The following SLC33A1 variants were observed in gnomAD, a reference collection of about 807,000 sequenced individuals.
The protein encoded by SLC33A1 is solute carrier family 33 member 1, also known as acetyl-coenzyme A transporter 1.
In SLC33A1, 20 loss-of-function variants were observed where a neutral mutation model predicts 50.0. The ratio of observed to expected loss-of-function variants is 0.40; its 90% CI spans 0.28 to 0.58. The LOEUF is 0.58. Among genes scored for constraint, SLC33A1 ranks in the 20% least tolerant of loss-of-function variants. SLC33A1 has a pLI of 0.44. For synonymous variants in SLC33A1, 265 were observed against 251.8 expected, an observed-to-expected ratio of 1.05 and a Z score of -0.50; for missense variants, 476 against 657.0, an observed-to-expected ratio of 0.72 and a Z score of 3.01.
chr3:155,828,467 A>G, intron 5 of SLC33A1, 90 bp from the exon 6 acceptor site: 1 of 776,560 alleles, frequency 1.3e-6, no homozygotes, highest in Non-Finnish European at 2.2e-6. Flanking sequence ...AAGAATAAAA[A>G]TATATTTTTC....
At chr3:155,850,973 G>A (rs1273117345) in intron 1 of SLC33A1, among the ~76,000 whole-genome samples, 1 of 151,606 alleles carries the variant, frequency 6.6e-6, no homozygotes, top group Admixed American at 6.6e-5. Flanking sequence ...GCTGGGCGCA[G>A]TGGCTTACGC....
intron 1 of SLC33A1, among the ~76,000 whole-genome samples, chr3:155,849,000 C>T (rs1239984257): frequency 1.3e-5 from 2 of 151,492 alleles, no homozygotes; most frequent in African/African-American, 4.8e-5. Flanking sequence ...GCAGCCTCCA[C>T]CTCCCCAGTT....
intron 2 of SLC33A1, 42 bp downstream of exon 2, chr3:155,842,390 T>C (rs1396527304): frequency 1.6e-6 from 2 of 1,287,730 alleles, no homozygotes; most frequent in East Asian, 2.4e-5. Context: ...ATGATATTGA[T>C]ACTTATAAGA....
chr3:155,837,853 T>A (rs1464950191), intron 2 of SLC33A1, among the ~76,000 whole-genome samples: 2 of 152,128 alleles, frequency 1.3e-5, no homozygotes, highest in Admixed American at 6.5e-5. Context: ...GATATGTTAT[T>A]AGGGGGGAAG....
At chr3:155,832,996 A>T (rs1752505703) in intron 4 of SLC33A1, among the ~76,000 whole-genome samples, 1 of 152,092 alleles carries the variant, frequency 6.6e-6, no homozygotes. Context: ...TTGCACCTGC[A>T]TTCCCAGCAT....
At chr3:155,851,765 A>G (rs1753411260) in intron 1 of SLC33A1, among the ~76,000 whole-genome samples, 1 of 152,164 alleles carries the variant, frequency 6.6e-6, no homozygotes, top group Admixed American at 6.5e-5. Context: ...GAACACTGAG[A>G]CAAATCTACC....
intron 1 of SLC33A1, among the ~76,000 whole-genome samples, chr3:155,844,458 T>TATATATATATATATATATA (rs1491426081): frequency 9.8e-5 from 3 of 30,632 alleles, no homozygotes; most frequent in African/African-American, 2.9e-4. Flanking sequence ...TATATATATA[T>TATATATATATATATATATA]TTTTTTTTTT....
At chr3:155,851,864 G>C (rs1753413804) in intron 1 of SLC33A1, among the ~76,000 whole-genome samples, 1 of 152,166 alleles carries the variant, frequency 6.6e-6, no homozygotes, top group East Asian at 1.9e-4. Context: ...TCACTCATTA[G>C]CAGTTTGAGG....
intron 1 of SLC33A1, among the ~76,000 whole-genome samples, chr3:155,851,876 G>T (rs1753414342): frequency 6.6e-6 from 1 of 152,154 alleles, no homozygotes; most frequent in Non-Finnish European, 1.5e-5. Flanking sequence ...AGTTTGAGGA[G>T]GTGTACATAA....
At chr3:155,843,805 C>T (rs563041965) in intron 1 of SLC33A1, among the ~76,000 whole-genome samples, 8 of 152,250 alleles carry the variant, frequency 5.3e-5, no homozygotes, top group Admixed American at 1.3e-4. Context: ...CTTATAAGTA[C>T]AACTAATTTC....
chr3:155,853,878 C>A lies in SLC33A1; in HGVS notation c.120G>T (p.Leu40Phe). Residue 40 changes from leucine (L) to phenylalanine (F), a missense_variant, in exon 1 of 6, where the codon TTG becomes TTT. Transcript: ENST00000643144. ...TGTCCCCTTCCCGGCCCGCTGAGTC[C>A]AAATGACTGTCATCCCAACCGCCTG... Reference protein sequence around the residue: ...LPPGGWDDSHLDSAGREGDRE... With the variant: ...LPPGGWDDSHFDSAGREGDRE... The A allele has an allele frequency of 6.4e-7, 1 of 1,566,042 alleles. No individual in the cohort carries two copies. Among genetic ancestry groups the A allele is most frequent in the South Asian group, 1.2e-5 (1 of 83,386 alleles).
chr3:155,830,106 G>A (rs1752355034), intron 4 of SLC33A1, among the ~76,000 whole-genome samples: 1 of 151,880 alleles, frequency 6.6e-6, no homozygotes, highest in Non-Finnish European at 1.5e-5. Context: ...GCTCATGCCT[G>A]TAATTCCAGC....
At chr3:155,844,947 A>C (rs937134733) in intron 1 of SLC33A1, 2 of 152,134 alleles carry the variant, frequency 1.3e-5, no homozygotes, top group Non-Finnish European at 2.9e-5. Context: ...CATGTCCACT[A>C]TTTTTGCATT....
rs1386553080 is a variant in SLC33A1, at chr3:155,825,606, T to C, written c.*2604A>G. 1 of 152,218 alleles carries C rather than the reference T, an allele frequency of 6.6e-6. No individual in the cohort carries two copies. Among genetic ancestry groups the C allele is most frequent in the East Asian group, 1.9e-4 (1 of 5,196 alleles). 9.4% of individuals were successfully genotyped at this position (152,218 alleles called of 1,614,324 possible). ...TTACAATGGAAGGAATCTGTGGTGTTACTTTTAGGTAATCTCAGAAGAACT... is the reference window on the plus strand; with the variant it reads ...TTACAATGGAAGGAATCTGTGGTGTCACTTTTAGGTAATCTCAGAAGAACT... On this transcript the variant is annotated 3_prime_UTR_variant, in exon 6 of 6. Transcript: ENST00000643144.
At position 155,823,312 on chromosome 3, in the gene SLC33A1, C is replaced by G. The variant is rs1752131390; in HGVS notation, c.*4898G>C. 1.3e-5 allele frequency: 2 copies of G among 152,156 alleles called. No homozygotes were observed. Among genetic ancestry groups the G allele is most frequent in the Non-Finnish European group, 2.9e-5 (2 of 68,032 alleles). The allele number at this position is 152,156 out of a possible 1,614,324, so 9.4% of individuals were successfully genotyped here. A position where few individuals can be genotyped will look rare whatever the true frequency, so the allele number is the denominator to read the frequency against. Reference sequence around the variant, plus strand: ...GACTGGTAGAAAATGAAAGAGCTCTCAGTCCCAAACCAAATGGTGATTACA... The same window carrying G: ...GACTGGTAGAAAATGAAAGAGCTCTGAGTCCCAAACCAAATGGTGATTACA... On this transcript the variant is annotated 3_prime_UTR_variant, in exon 6 of 6. Coordinates refer to ENST00000643144, the MANE Select transcript of SLC33A1 (RefSeq NM_004733.4).
At position 155,833,498 on chromosome 3, in the gene SLC33A1, G is replaced by A. The variant is rs1391510722; in HGVS notation, c.1236C>T (p.Ile412=). ...HQGGFPIYYY[I]VVLLSYALHQ... is the part of the protein sequence containing the mutation. ...GTAAAGCATAACTCAGCAGGACTAC[G>A]ATATAGTAATATATAGGGAATCCCC... The change falls in exon 4 of 6, where the codon ATC becomes ATT. Residue 412 remains isoleucine (I), a synonymous_variant. Transcript: ENST00000643144. 7.6e-6 allele frequency: 12 copies of A among 1,586,414 alleles called. No individual in the cohort carries two copies. The highest frequency in any genetic ancestry group is 4.5e-5 in the East Asian group (2 of 44,744).
intron 1 of SLC33A1, among the ~76,000 whole-genome samples, chr3:155,844,025 A>G (rs1753029685): frequency 6.6e-6 from 1 of 152,128 alleles, no homozygotes; most frequent in South Asian, 2.1e-4. Context: ...CTGATCAAGG[A>G]CCCTAAGTCA....
chr3:155,833,790 T>C (rs1752545554), intron 3 of SLC33A1, 67 bp downstream of exon 3: 3 of 1,194,276 alleles, frequency 2.5e-6, no homozygotes. Flanking sequence ...GCTCAGATAT[T>C]AGTGGTATTG....
rs1221810234 is a variant in SLC33A1, at chr3:155,821,569, C to G, written c.*6641G>C. On this transcript the variant is annotated 3_prime_UTR_variant, in exon 6 of 6. Coordinates refer to ENST00000643144, the MANE Select transcript of SLC33A1 (RefSeq NM_004733.4). ...GCAACCCCTGCCTCCCGGGTTCAAG[C>G]GATTCTCCTGCCTCAGCCTCCCGAG... is the stretch of plus-strand genomic sequence containing the variant. 6.6e-6 allele frequency: 1 copy of G among 152,098 alleles called. No individual in the cohort carries two copies. The highest frequency in any genetic ancestry group is 1.5e-5 in the Non-Finnish European group (1 of 68,172). The allele number at this position is 152,098 out of a possible 1,614,324, so 9.4% of individuals were successfully genotyped here. A position where few individuals can be genotyped will look rare whatever the true frequency, so the allele number is the denominator to read the frequency against.
Sources: gnomAD v4.1 joint callset for allele counts (sites outside exome capture counted in the v4.1 genomes callset) on GRCh38, gnomAD v4.1.1 for gene constraint, MANE v1.5 for transcripts, NCBI Gene and HGNC (gene_info 2026-07-23, HGNC 2026-07-21) for gene names.